TTC3: variants seen among roughly 807,000 people sequenced by gnomAD.
TTC3 encodes the protein E3 ubiquitin-protein ligase TTC3.
A neutral mutation model predicts 249.6 loss-of-function variants in TTC3; 180 were observed. The observed-to-expected ratio is 0.72, with a 90% CI of 0.64 to 0.82. The LOEUF (loss-of-function observed/expected upper bound fraction) is 0.82. Among genes scored for constraint, TTC3 ranks in the 40% least tolerant of loss-of-function variants. TTC3 has a pLI of 0.00. For missense variants in TTC3, 2,061 were observed against 2,398.4 expected, an observed-to-expected ratio of 0.86 and a Z score of 2.94; for synonymous variants, 717 against 805.0, an observed-to-expected ratio of 0.89 and a Z score of 1.85.
chr21:37,174,047 T>C (rs1213695485), intron 35 of TTC3, among the ~76,000 whole-genome samples: 1 of 152,164 alleles, frequency 6.6e-6, no homozygotes. Flanking sequence ...ATTGGAGACA[T>C]AGTCTTAAAG....
At chr21:37,157,742 C>A (rs1442739816) in intron 28 of TTC3, among the ~76,000 whole-genome samples, 2 of 152,186 alleles carry the variant, frequency 1.3e-5, no homozygotes, top group Non-Finnish European at 2.9e-5. Flanking sequence ...AGCTAGCTAG[C>A]AGCTAATTCC....
At chr21:37,166,680 C>T (rs1012641463) in intron 33 of TTC3, 65 bp downstream of exon 33, 7 of 1,487,500 alleles carry the variant, frequency 4.7e-6, no homozygotes, top group African/African-American at 2.8e-5. Context: ...TTTTTCATTG[C>T]CGTTATATTT....
intron 1 of TTC3, chr21:37,085,835 A>T (rs2072394164): frequency 6.6e-6 from 1 of 152,268 alleles, no homozygotes; most frequent in Non-Finnish European, 1.5e-5. Context: ...TAACCAAGAG[A>T]TAAATAGGTG....
chr21:37,135,487 G>A, exon 18 of TTC3: 5 of 1,613,902 alleles, frequency 3.1e-6, no homozygotes, highest in Non-Finnish European at 4.2e-6. Context: ...CAGAGTTGCT[G>A]AACGGTTTAG....
At chr21:37,167,331 T>C (rs2081337009) in intron 33 of TTC3, among the ~76,000 whole-genome samples, 1 of 152,172 alleles carries the variant, frequency 6.6e-6, no homozygotes, top group African/African-American at 2.4e-5. Context: ...CTAGGAAGCT[T>C]TGAAAAAAAT....
At chr21:37,197,906 A>C in exon 44 of TTC3, 1 of 1,613,776 alleles carries the variant, frequency 6.2e-7, no homozygotes, top group Non-Finnish European at 8.5e-7. Flanking sequence ...GGACAAGAGG[A>C]CTTATGAGCC....
intron 6 of TTC3, 181 bp downstream of exon 6, chr21:37,090,467 CTTT>C (rs138757481): frequency 4.4e-3 from 2,324 of 526,544 alleles, no homozygotes; most frequent in Non-Finnish European, 5.2e-3. Flanking sequence ...CATTTTCTCT[CTTT>C]TTTTTTTTTT....
chr21:37,088,357 A>C lies in TTC3; in HGVS notation c.338+11A>C. The C allele has an allele frequency of 6.2e-7, 1 of 1,604,668 alleles. No homozygotes were observed. The highest frequency in any genetic ancestry group is 1.1e-5 in the South Asian group (1 of 89,988). ...CTGTGTGGACGCCAAGTAAGTTACT[A>C]TATGTTGCTCATTTTGTGTGGACAG... On this transcript the variant is annotated intron_variant, in intron 4 of 45. Transcript: ENST00000355666.
intron 41 of TTC3, among the ~76,000 whole-genome samples, chr21:37,193,199 C>A (rs892822040): frequency 6.8e-6 from 1 of 147,838 alleles, no homozygotes; most frequent in South Asian, 2.2e-4. Flanking sequence ...GAGCACTGTC[C>A]CCGCTCTGCA....
At chr21:37,197,937 C>G in exon 44 of TTC3, 2 of 1,614,030 alleles carry the variant, frequency 1.2e-6, no homozygotes, top group Non-Finnish European at 1.7e-6. Context: ...ACCCCCGTGA[C>G]CAGGTCCTCC....
intron 10 of TTC3, among the ~76,000 whole-genome samples, chr21:37,101,722 A>G (rs1361382908): frequency 4.6e-5 from 7 of 151,792 alleles, no homozygotes; most frequent in African/African-American, 7.2e-5. Flanking sequence ...AATGTAATGT[A>G]TATGTCTTTT....
chr21:37,194,357 A>G (rs1283126279), intron 41 of TTC3: 2 of 152,176 alleles, frequency 1.3e-5, no homozygotes, highest in Non-Finnish European at 1.5e-5. Flanking sequence ...ACATGGTCAC[A>G]TTGTGACCTC....
At chr21:37,135,115 G>A (rs189486249) in intron 17 of TTC3, among the ~76,000 whole-genome samples, 35 of 152,272 alleles carry the variant, frequency 2.3e-4, no homozygotes, top group African/African-American at 8.4e-4. Context: ...GAGCAAGTGA[G>A]GCTTAGTACC....
chr21:37,100,125 G>A (rs2074331747), intron 10 of TTC3, among the ~76,000 whole-genome samples: 1 of 152,134 alleles, frequency 6.6e-6, no homozygotes, highest in Admixed American at 6.5e-5. Context: ...GAGAGAAGGA[G>A]GGAAAAGGGA....
intron 1 of TTC3, chr21:37,081,540 A>C (rs1376238206): frequency 6.6e-6 from 1 of 152,174 alleles, no homozygotes; most frequent in Non-Finnish European, 1.5e-5. Context: ...TTTTGGATGC[A>C]TGTGTTTCAT....
At chr21:37,129,631 CT>C (rs201840953) in intron 16 of TTC3, among the ~76,000 whole-genome samples, 2 of 151,528 alleles carry the variant, frequency 1.3e-5, no homozygotes. Flanking sequence ...TGCCTCCTAT[CT>C]TTTTTTTTGT....
At chr21:37,114,758 A>C (rs1201007068) in intron 11 of TTC3, among the ~76,000 whole-genome samples, 1 of 152,146 alleles carries the variant, frequency 6.6e-6, no homozygotes, top group African/African-American at 2.4e-5. Flanking sequence ...CAGTATTCAC[A>C]ATAGCAAAGA....
chr21:37,106,077 C>A (rs1409456750), intron 10 of TTC3, among the ~76,000 whole-genome samples: 1 of 152,144 alleles, frequency 6.6e-6, no homozygotes. Context: ...TCAACACTTA[C>A]TATTTTTCAT....
chr21:37,080,496 T>C (rs966458955), intron 1 of TTC3, among the ~76,000 whole-genome samples: 4 of 152,208 alleles, frequency 2.6e-5, no homozygotes, highest in Non-Finnish European at 5.9e-5. Flanking sequence ...TTGTTATTTG[T>C]GTTGTTCTGA....
Sources: allele counts gnomAD v4.1 joint callset (sites outside exome capture counted in the v4.1 genomes callset), GRCh38; gene constraint gnomAD v4.1.1; transcripts MANE v1.5; gene names NCBI Gene and HGNC (gene_info 2026-07-23, HGNC 2026-07-21).